Variants in AMOTL1 observed in about 807,000 individuals in gnomAD.
The protein encoded by AMOTL1 is angiomotin-like protein 1.
In AMOTL1, 45 loss-of-function variants were observed where a neutral mutation model predicts 102.9. That is an observed-to-expected ratio of 0.44 (90% CI 0.34 to 0.56). The LOEUF (loss-of-function observed/expected upper bound fraction) is 0.56. AMOTL1 is among the 20% of genes least tolerant of loss of function. AMOTL1 has a pLI of 0.01. For missense variants in AMOTL1, 1,114 were observed against 1,225.6 expected (o/e 0.91, Z 1.36); for synonymous variants, 481 against 484.7 (o/e 0.99, Z 0.10).
intron 3 of AMOTL1, 88 bp downstream of exon 3, chr11:94,800,399 T>C: frequency 2.1e-6 from 3 of 1,409,258 alleles, no homozygotes; most frequent in Non-Finnish European, 1.9e-6. Flanking sequence ...GCAGATTAGG[T>C]TTTTGTCATC....
rs1168700223 is a variant in AMOTL1, at chr11:94,874,399, C to T, written c.*3604C>T. 1 of 152,292 alleles carries T rather than the reference C, an allele frequency of 6.6e-6. No homozygotes were observed. Among genetic ancestry groups the T allele is most frequent in the African/African-American group, 2.4e-5 (1 of 41,454 alleles). 9.4% of individuals were successfully genotyped at this position (152,292 alleles called of 1,614,324 possible). A position where few individuals can be genotyped will look rare whatever the true frequency, so the allele number is the denominator to read the frequency against. ...CACGCAGGGCAGGGGCTGCCTTGGCCCTCCTCAGGCTTTCGTTGGGAGAGC... is the reference window on the plus strand; with the variant it reads ...CACGCAGGGCAGGGGCTGCCTTGGCTCTCCTCAGGCTTTCGTTGGGAGAGC... On this transcript the variant is annotated 3_prime_UTR_variant, in exon 13 of 13. Transcript: ENST00000433060.
intron 10 of AMOTL1, among the ~76,000 whole-genome samples, chr11:94,865,365 G>A (rs1209520339): frequency 6.6e-6 from 1 of 152,142 alleles, no homozygotes; most frequent in Non-Finnish European, 1.5e-5. Context: ...AGGGCTTGTG[G>A]AACCCTGGGA....
At chr11:94,828,382 C>T (rs1952007293) in intron 4 of AMOTL1, among the ~76,000 whole-genome samples, 1 of 152,246 alleles carries the variant, frequency 6.6e-6, no homozygotes, top group African/African-American at 2.4e-5. Flanking sequence ...TCTTCTACCT[C>T]CTCTCCCATA....
rs930314479 is a variant in AMOTL1, at chr11:94,871,985, C to T, written c.*1190C>T. The T allele has an allele frequency of 5.3e-5, 8 of 152,066 alleles. No individual in the cohort carries two copies. Among genetic ancestry groups the T allele is most frequent in the African/African-American group, 1.4e-4 (6 of 41,390 alleles). The allele number at this position is 152,066 out of a possible 1,614,324, so 9.4% of individuals were successfully genotyped here. ...TTCACACTCTTTCCTCCCCCGCGCA[C>T]GCCTCTGCTTGCTCTCGATCAGCAT... On this transcript the variant is annotated 3_prime_UTR_variant, in exon 13 of 13. Transcript: ENST00000433060.
chr11:94,796,830 A>G (rs1951375664), intron 2 of AMOTL1, among the ~76,000 whole-genome samples: 2 of 152,170 alleles, frequency 1.3e-5, no homozygotes, highest in Admixed American at 6.5e-5. Context: ...TTCTTGCCCC[A>G]AAAAGGGCAG....
intron 4 of AMOTL1, among the ~76,000 whole-genome samples, chr11:94,829,258 T>C: frequency 6.6e-6 from 1 of 151,400 alleles, no homozygotes; most frequent in East Asian, 1.9e-4. Flanking sequence ...AATCTCACTC[T>C]GTTGCCCTAG....
chr11:94,740,901 GCGATT>G (rs1309044645), intron 2 of AMOTL1: 43 of 1,287,636 alleles, frequency 3.3e-5, no homozygotes, highest in Non-Finnish European at 4.4e-5. Flanking sequence ...CTGAATGGTA[GCGATT>G]CGAGTTGTTT....
At chr11:94,783,362 G>T (rs890720679) in intron 1 of AMOTL1, among the ~76,000 whole-genome samples, 8 of 152,152 alleles carry the variant, frequency 5.3e-5, no homozygotes, top group Non-Finnish European at 1.2e-4. Context: ...TAGTTGATTT[G>T]TCCCTAGAAA....
intron 4 of AMOTL1, among the ~76,000 whole-genome samples, chr11:94,826,999 T>C (rs550375065): frequency 7.9e-5 from 12 of 152,204 alleles, no homozygotes; most frequent in Non-Finnish European, 1.6e-4. Flanking sequence ...TTTGACAGTA[T>C]GCAGAGGGAG....
intron 2 of AMOTL1, among the ~76,000 whole-genome samples, chr11:94,739,815 G>T (rs1183368447): frequency 6.6e-6 from 1 of 152,190 alleles, no homozygotes; most frequent in Non-Finnish European, 1.5e-5. Flanking sequence ...CAGTCCTGGG[G>T]GCTGGGGGGA....
At chr11:94,800,357 T>C (rs1951455204) in intron 3 of AMOTL1, 46 bp downstream of exon 3, 1 of 1,501,658 alleles carries the variant, frequency 6.7e-7, no homozygotes. Context: ...CAAAATTCAA[T>C]AGTCATGTTA....
chr11:94,845,793 C>A (rs1952399430), intron 6 of AMOTL1, among the ~76,000 whole-genome samples: 1 of 152,312 alleles, frequency 6.6e-6, no homozygotes. Context: ...TAAATGGGAC[C>A]AGAGCCATCA....
upstream of AMOTL1, among the ~76,000 whole-genome samples, chr11:94,765,959 C>G (rs1950850398): frequency 6.6e-6 from 1 of 152,226 alleles, no homozygotes; most frequent in Non-Finnish European, 1.5e-5. Context: ...CTTTCTCAAA[C>G]CGTTTCCTCT....
At chr11:94,818,650 T>C (rs1473322891) in intron 3 of AMOTL1, among the ~76,000 whole-genome samples, 1 of 152,240 alleles carries the variant, frequency 6.6e-6, no homozygotes, top group Non-Finnish European at 1.5e-5. Context: ...ACACCTGTTA[T>C]TAGATTCTAG....
At chr11:94,750,752 C>T in intron 3 of AMOTL1, among the ~76,000 whole-genome samples, 1 of 152,206 alleles carries the variant, frequency 6.6e-6, no homozygotes, top group East Asian at 1.9e-4. Flanking sequence ...ATTCCCTTCA[C>T]AGGAAACCTC....
intron 1 of AMOTL1, among the ~76,000 whole-genome samples, chr11:94,723,281 T>C (rs1950203261): frequency 6.6e-6 from 1 of 152,078 alleles, no homozygotes; most frequent in African/African-American, 2.4e-5. Context: ...CCTAATGGAA[T>C]ATAAAAAGCT....
chr11:94,713,365 C>G (rs1368215580), intron 1 of AMOTL1, among the ~76,000 whole-genome samples: 1 of 151,916 alleles, frequency 6.6e-6, no homozygotes, highest in South Asian at 2.1e-4. Flanking sequence ...ATCCTTGGGA[C>G]TTTTACTTTC....
chr11:94,865,891 T>C, intron 10 of AMOTL1, 51 bp from the exon 11 acceptor site: 1 of 1,525,756 alleles, frequency 6.6e-7, no homozygotes, highest in Non-Finnish European at 8.9e-7. Context: ...ATGTTTCAAG[T>C]TTTTCTAGCC....
At chr11:94,867,136 G>T (rs1449315818) in intron 11 of AMOTL1, among the ~76,000 whole-genome samples, 4 of 152,194 alleles carry the variant, frequency 2.6e-5, no homozygotes, top group Non-Finnish European at 5.9e-5. Context: ...GCTGCTCTGG[G>T]CCAGAGGGGA....
Sources: allele counts gnomAD v4.1 joint callset (sites outside exome capture counted in the v4.1 genomes callset), GRCh38; gene constraint gnomAD v4.1.1; transcripts MANE v1.5; gene names NCBI Gene and HGNC (gene_info 2026-07-23, HGNC 2026-07-21).